The following DMD variants were observed in gnomAD, a reference collection of about 807,000 sequenced individuals.
The protein encoded by DMD is dystrophin, also known as mutant dystrophin.
A neutral mutation model predicts 330.1 loss-of-function variants in DMD; 63 were observed. The ratio of observed to expected loss-of-function variants is 0.19; its 90% confidence interval spans 0.16 to 0.24. DMD has a LOEUF of 0.24. DMD is among the 10% of genes least tolerant of loss of function. DMD has a pLI of 1.00. For synonymous variants in DMD, 1,223 were observed against 959.8 expected, an observed-to-expected ratio of 1.27 and a Z score of -5.07; for missense variants, 3,344 against 2,684.1, an observed-to-expected ratio of 1.25 and a Z score of -5.43.
intron 2 of DMD, among the ~76,000 whole-genome samples, chrX:32,966,717 C>G (rs1272822914): frequency 9.0e-6 from 1 of 111,594 alleles, no homozygotes; most frequent in African/African-American, 3.3e-5. Flanking sequence ...CTGCAGCACC[C>G]GTGGAGGGAA....
chrX:32,964,153 G>T (rs1427223325), intron 2 of DMD, among the ~76,000 whole-genome samples: 1 of 105,042 alleles, frequency 9.5e-6, no homozygotes, highest in Non-Finnish European at 1.9e-5. Context: ...CTATTCGGGA[G>T]GATGAGGCAG....
chrX:31,913,014 T>C (rs943743830), intron 47 of DMD, among the ~76,000 whole-genome samples: 4 of 112,358 alleles, frequency 3.6e-5, no homozygotes, highest in African/African-American at 1.3e-4. Context: ...GAGAAGACAA[T>C]GGAAACAAAC....
chrX:32,313,626 T>C (rs949025868), intron 41 of DMD, among the ~76,000 whole-genome samples: 7 of 111,578 alleles, frequency 6.3e-5, no homozygotes, highest in Admixed American at 1.9e-4. Context: ...TGTTTGCAGA[T>C]GACATGATTG....
At chrX:31,462,341 G>A (rs1039089083) in intron 59 of DMD, among the ~76,000 whole-genome samples, 1 of 111,098 alleles carries the variant, frequency 9.0e-6, no homozygotes, top group Non-Finnish European at 1.9e-5. Flanking sequence ...TTAGCCAGGC[G>A]TGGCGGTGCA....
At chrX:32,536,246 A>G (rs760929044) in intron 17 of DMD, among the ~76,000 whole-genome samples, 1 of 91,880 alleles carries the variant, frequency 1.1e-5, no homozygotes, top group South Asian at 6.4e-4. Context: ...GACTGGCAAC[A>G]GAGTGAGACT....
At chrX:32,797,036 T>C (rs148213096) in intron 7 of DMD, among the ~76,000 whole-genome samples, 1,314 of 112,295 alleles carry the variant, frequency 0.012, 23 homozygotes, top group African/African-American at 0.041. Flanking sequence ...GGAAAACATA[T>C]GTACCAACCT....
intron 2 of DMD, among the ~76,000 whole-genome samples, chrX:32,896,230 G>C (rs2149277675): frequency 9.0e-6 from 1 of 111,428 alleles, no homozygotes; most frequent in African/African-American, 3.3e-5. Context: ...TAATTGGTAT[G>C]CTATGATCAA....
At chrX:31,143,102 C>T (rs2036270157) in intron 76 of DMD, among the ~76,000 whole-genome samples, 1 of 111,993 alleles carries the variant, frequency 8.9e-6, no homozygotes, top group African/African-American at 3.2e-5. Flanking sequence ...CTGTGTGCAT[C>T]CTTCAAGAAG....
chrX:31,845,888 G>A (rs1018558232), intron 48 of DMD, among the ~76,000 whole-genome samples: 10 of 111,452 alleles, frequency 9.0e-5, no homozygotes, highest in Admixed American at 1.9e-4. Flanking sequence ...AAAAAGAAGC[G>A]TAGTGTGCAG....
Position 31,410,911 on chromosome X carries a change from CTG to C in DMD, c.9084+33568_9084+33569del, listed in dbSNP as rs201989245. Among the ~76,000 whole-genome samples the C allele has an allele frequency of 1.4e-3, 127 of 91,932 alleles. 4 individuals carry two copies. Among genetic ancestry groups the C allele is most frequent in the African/African-American group, 4.9e-3 (118 of 24,210 alleles). The allele number at this position is 91,932 out of a possible 115,157, so 79.8% of individuals were successfully genotyped here. ...GTACCGCCATACCTGGCTAATTTTTCTGTGTGTGTGTTTTTTTTTTTTTTTTT... is the reference window on the plus strand; with the variant it reads ...GTACCGCCATACCTGGCTAATTTTTCTGTGTGTGTTTTTTTTTTTTTTTTT... On this transcript the variant is annotated intron_variant, in intron 60 of 78. Coordinates refer to ENST00000357033, the MANE Select transcript of DMD (RefSeq NM_004006.3).
intron 1 of DMD, among the ~76,000 whole-genome samples, chrX:33,247,262 A>G (rs1603424825): frequency 9.0e-6 from 1 of 111,606 alleles, no homozygotes; most frequent in Admixed American, 9.5e-5. Context: ...CACATCCATT[A>G]CAAGCATTAC....
intron 7 of DMD, among the ~76,000 whole-genome samples, chrX:32,740,805 A>G (rs1230611638): frequency 9.0e-6 from 1 of 111,421 alleles, no homozygotes; most frequent in Non-Finnish European, 1.9e-5. Context: ...TCTTTCTCAT[A>G]GACTTGCTGG....
rs2057389492 is a variant in DMD at position 32,614,224 on chromosome X, T to A, written c.1482+79A>T. On this transcript the variant is annotated intron_variant, in intron 12 of 78. Transcript: ENST00000357033. ...TTTTAATTCTCTCCCATCAACCATG[T>A]CATCTGTGTTACTGTGTATAGGTAC... The A allele has an allele frequency of 6.3e-6, 6 of 957,910 alleles. No individual in the cohort carries two copies. In the South Asian group the frequency reaches 1.3e-4, roughly 21 times the overall value. The allele number at this position is 957,910 out of a possible 1,213,427, so 78.9% of individuals were successfully genotyped here.
At chrX:32,803,853 TGAG>T (rs2076763706) in intron 7 of DMD, among the ~76,000 whole-genome samples, 1 of 112,156 alleles carries the variant, frequency 8.9e-6, no homozygotes, top group Non-Finnish European at 1.9e-5. Context: ...TTGCATTTGC[TGAG>T]GAGTATTTTA....
chrX:32,909,632 G>C (rs776473596), intron 2 of DMD, among the ~76,000 whole-genome samples: 2 of 111,282 alleles, frequency 1.8e-5, no homozygotes, highest in South Asian at 7.6e-4. Context: ...CACGGTTTTT[G>C]TAGAAATGCG....
At chrX:31,553,024 C>T (rs956055119) in intron 55 of DMD, among the ~76,000 whole-genome samples, 1 of 111,614 alleles carries the variant, frequency 9.0e-6, no homozygotes, top group South Asian at 3.8e-4. Flanking sequence ...GCAGAGAGAG[C>T]TTTCCCTTTC....
intron 2 of DMD, among the ~76,000 whole-genome samples, chrX:32,999,965 C>A (rs1191522949): frequency 2.7e-5 from 3 of 112,460 alleles, no homozygotes; most frequent in Non-Finnish European, 5.6e-5. Flanking sequence ...ATCACTCTCC[C>A]ATGTAACTTC....
intron 57 of DMD, among the ~76,000 whole-genome samples, chrX:31,483,408 C>T (rs190080433): frequency 1.1e-4 from 12 of 111,830 alleles, no homozygotes; most frequent in African/African-American, 3.6e-4. Flanking sequence ...CTTAAAAAGT[C>T]CAAGGCACTA....
chrX:32,676,097 G>C (rs2061949635), intron 9 of DMD, among the ~76,000 whole-genome samples: 1 of 111,572 alleles, frequency 9.0e-6, no homozygotes, highest in African/African-American at 3.2e-5. Flanking sequence ...AGTTGACAGA[G>C]TTAAAAATTT....
Sources: gnomAD v4.1 joint callset for allele counts (sites outside exome capture counted in the v4.1 genomes callset) on GRCh38, gnomAD v4.1.1 for gene constraint, MANE v1.5 for transcripts, NCBI Gene and HGNC (gene_info 2026-07-23, HGNC 2026-07-21) for gene names.